The following AFG1L variants were observed in gnomAD, a reference collection of about 807,000 sequenced individuals.
The protein encoded by AFG1L is AFG1 like ATPase.
In AFG1L, 53 loss-of-function variants were observed where a neutral mutation model predicts 62.2. The observed-to-expected ratio is 0.85, with a 90% confidence interval of 0.68 to 1.07. The LOEUF (loss-of-function observed/expected upper bound fraction) is 1.07, where lower values mean the gene tolerates loss of function less well. AFG1L is among the 50% of genes least tolerant of loss of function. The pLI, the probability that AFG1L is intolerant of heterozygous loss-of-function variation, is 0.00. For synonymous variants in AFG1L, 228 were observed against 210.3 expected, an observed-to-expected ratio of 1.08 and a Z score of -0.73; for missense variants, 555 against 590.5, an observed-to-expected ratio of 0.94 and a Z score of 0.62.
chr6:108,324,033 A>C lies in AFG1L; in HGVS notation c.348A>C (p.Glu116Asp). 2 of 1,610,380 alleles carry C rather than the reference A, an allele frequency of 1.2e-6. No homozygotes were observed. The highest frequency in any genetic ancestry group is 1.7e-6 in the Non-Finnish European group (2 of 1,177,112). The change falls in exon 2 of 13, where the codon GAA (glutamate) becomes GAC (aspartate). Residue 116 changes from glutamate (E) to aspartate (D), a missense_variant. Physicochemically the swap from Glu to Asp is conservative, Grantham distance 45. Coordinates refer to ENST00000368977, the MANE Select transcript of AFG1L (RefSeq NM_145315.5). ...TTAAAGGATACAATATAGAGGCAGA[A>C]GGCCTTTTTTCAAAGGTGAGGCTTG... is the stretch of plus-strand genomic sequence containing the variant. ...EDLKGYNIEA[E>D]GLFSKLFSRS...
intron 6 of AFG1L, among the ~76,000 whole-genome samples, chr6:108,381,296 T>C (rs1780504960): frequency 6.6e-6 from 1 of 152,222 alleles, no homozygotes; most frequent in South Asian, 2.1e-4. Flanking sequence ...TTCAGCAATT[T>C]TGTCATTTAG....
Position 108,314,328 on chromosome 6 carries a change from A to G in AFG1L, c.140-9497A>G, listed in dbSNP as rs182437018. Among the ~76,000 whole-genome samples the G allele has an allele frequency of 3.9e-5, 6 of 152,160 alleles. No homozygotes were observed. In the South Asian group the frequency reaches 8.3e-4, roughly 21 times the overall value. ...ATTCCTAGTCTTATTTTCTAAAGCAATCTTTTATTATCAAGCCTTATTATC... is the reference window on the plus strand; with the variant it reads ...ATTCCTAGTCTTATTTTCTAAAGCAGTCTTTTATTATCAAGCCTTATTATC... On this transcript the variant is annotated intron_variant, in intron 1 of 12. Transcript: ENST00000368977.
At chr6:108,430,568 A>G (rs1196753805) in intron 7 of AFG1L, among the ~76,000 whole-genome samples, 4 of 152,204 alleles carry the variant, frequency 2.6e-5, no homozygotes, top group South Asian at 2.1e-4. Context: ...CTCTAGACAG[A>G]TAGAGATCAA....
intron 7 of AFG1L, among the ~76,000 whole-genome samples, chr6:108,402,943 AAT>A (rs1449906217): frequency 1.3e-5 from 2 of 152,138 alleles, no homozygotes; most frequent in African/African-American, 4.8e-5. Flanking sequence ...TAGAGTTTAA[AAT>A]AGTCTTCATT....
At chr6:108,491,398 C>T (rs1027068287) in intron 10 of AFG1L, among the ~76,000 whole-genome samples, 1 of 152,174 alleles carries the variant, frequency 6.6e-6, no homozygotes, top group Non-Finnish European at 1.5e-5. Flanking sequence ...GACATTTCCT[C>T]AGCACCATTC....
Position 108,450,288 on chromosome 6 carries a change from G to A in AFG1L, c.890+2992G>A, listed in dbSNP as rs1275728965. On this transcript the variant is annotated intron_variant, in intron 8 of 12. Coordinates refer to ENST00000368977, the MANE Select transcript of AFG1L (RefSeq NM_145315.5). ...GTTGTTTCCTGACTTTTTAATGATC[G>A]CCATTCTAACTGGTGTGAGATGGTA... 2.6e-5 allele frequency among the ~76,000 whole-genome samples: 4 copies of A among 151,998 alleles called. No individual in the cohort carries two copies. The East Asian group carries it at 7.7e-4, about 29-fold the overall frequency.
chr6:108,400,687 AATTATATATATATT>A (rs1781536764), intron 6 of AFG1L, among the ~76,000 whole-genome samples: 1 of 87,650 alleles, frequency 1.1e-5, no homozygotes, highest in Non-Finnish European at 2.2e-5. Context: ...TATATTATAT[AATTATATATATATT>A]ATTATATATA....
chr6:108,332,698 C>T (rs901563924), intron 2 of AFG1L, among the ~76,000 whole-genome samples: 1 of 152,076 alleles, frequency 6.6e-6, no homozygotes, highest in Non-Finnish European at 1.5e-5. Flanking sequence ...GCCTTGACCT[C>T]CCAGGCTCAA....
intron 7 of AFG1L, among the ~76,000 whole-genome samples, chr6:108,432,443 T>C (rs1051138180): frequency 2.0e-5 from 3 of 152,204 alleles, no homozygotes; most frequent in African/African-American, 7.2e-5. Context: ...TCATATACTT[T>C]TATGTCCTTT....
chr6:108,297,879 A>G (rs1776830841), intron 1 of AFG1L, among the ~76,000 whole-genome samples: 7 of 126,002 alleles, frequency 5.6e-5, no homozygotes, highest in Admixed American at 4.4e-4. Flanking sequence ...AAAAAAAAAA[A>G]GGAAAAGTGA....
At chr6:108,492,991 T>A (rs1286036244) in intron 10 of AFG1L, among the ~76,000 whole-genome samples, 2 of 152,104 alleles carry the variant, frequency 1.3e-5, no homozygotes, top group African/African-American at 2.4e-5. Context: ...GGCATGTTTT[T>A]AAAAAATGTT....
At position 108,356,194 on chromosome 6, in the gene AFG1L, C is replaced by T. The variant is rs1230663356; in HGVS notation, c.517+439C>T. Among the ~76,000 whole-genome samples, 16 of 152,312 alleles carry T rather than the reference C, an allele frequency of 1.1e-4. No individual in the cohort carries two copies. The East Asian group carries it at 3.1e-3, about 29-fold the overall frequency. ...ATTTGTTTACCAGCTGCACTGTAAC[C>T]TCCCCAGAGCAGGAATCATGTGTTT... On this transcript the variant is annotated intron_variant, in intron 4 of 12. Transcript: ENST00000368977.
chr6:108,349,716 G>A (rs956994038), intron 3 of AFG1L, among the ~76,000 whole-genome samples: 3 of 151,936 alleles, frequency 2.0e-5, no homozygotes, highest in Non-Finnish European at 4.4e-5. Flanking sequence ...AGGAGTTTGA[G>A]ACTAGCCTGG....
At position 108,519,710 on chromosome 6, in the gene AFG1L, G is replaced by T. The variant is rs1163689681; in HGVS notation, c.1217G>T (p.Cys406Phe). Reference sequence around the variant, plus strand: ...CTTCTATTTCAGGTGCGTATAATTTGCTCTGCGTCGACTCCTATATCAAGC... The same window carrying T: ...CTTCTATTTCAGGTGCGTATAATTTTCTCTGCGTCGACTCCTATATCAAGC... The part of the protein sequence containing the change: ...NFYDLKVRII[C>F]SASTPISSLF... Residue 406 changes from cysteine (C) to phenylalanine (F), a missense_variant, in exon 12 of 13, where the codon TGC (cysteine) becomes TTC (phenylalanine). By Grantham distance (205) the Cys-to-Phe change is radical. Coordinates refer to ENST00000368977, the MANE Select transcript of AFG1L (RefSeq NM_145315.5). 1.2e-6 allele frequency: 2 copies of T among 1,604,300 alleles called. No homozygotes were observed. The highest frequency in any genetic ancestry group is 2.7e-5 in the African/African-American group (2 of 74,654).
intron 1 of AFG1L, among the ~76,000 whole-genome samples, chr6:108,321,048 T>C (rs1777794944): frequency 6.6e-6 from 1 of 152,156 alleles, no homozygotes; most frequent in African/African-American, 2.4e-5. Context: ...CAGTTCAATT[T>C]GATTCTGGCA....
At chr6:108,387,586 G>A (rs927242803) in intron 6 of AFG1L, 2 of 152,242 alleles carry the variant, frequency 1.3e-5, no homozygotes, top group Non-Finnish European at 2.9e-5. Flanking sequence ...GTGGAAGACA[G>A]TTTTGACTCT....
chr6:108,329,189 C>G (rs1778173275), intron 2 of AFG1L, among the ~76,000 whole-genome samples: 1 of 152,000 alleles, frequency 6.6e-6, no homozygotes, highest in South Asian at 2.1e-4. Context: ...ATCCTCCCAT[C>G]TTGGCCTCAC....
At chr6:108,384,428 G>C (rs1192058183) in intron 6 of AFG1L, among the ~76,000 whole-genome samples, 1 of 152,198 alleles carries the variant, frequency 6.6e-6, no homozygotes, top group African/African-American at 2.4e-5. Flanking sequence ...TGAGATTTGA[G>C]TTGCTGCCCA....
rs755598739 is a variant in AFG1L, at chr6:108,295,134, C to G, written c.55C>G (p.Leu19Val). The change falls in exon 1 of 13, where the codon CTG (leucine) becomes GTG (valine). Residue 19 changes from leucine to valine, a missense_variant. By Grantham distance (32) the Leu-to-Val change is conservative. Transcript: ENST00000368977. ...VTLRPLAQSP[L>V]RGRCVGCGAW... ...CCTGCGCCCCTTAGCACAGAGCCCG[C>G]TGAGAGGGAGATGTGTTGGGTGCGG... The G allele has an allele frequency of 3.8e-5, 61 of 1,611,068 alleles. 1 individual carries two copies. In the South Asian group the frequency reaches 5.5e-4, roughly 14 times the overall value.
Sources: allele counts gnomAD v4.1 joint callset (sites outside exome capture counted in the v4.1 genomes callset), GRCh38; gene constraint gnomAD v4.1.1; transcripts MANE v1.5; gene names NCBI Gene and HGNC (gene_info 2026-07-23, HGNC 2026-07-21).